ADAMTS16: variants seen among roughly 807,000 people sequenced by gnomAD.
ADAMTS16 encodes A disintegrin and metalloproteinase with thrombospondin motifs 16.
In ADAMTS16, 94 loss-of-function variants were observed where a neutral mutation model predicts 145.8. The ratio of observed to expected loss-of-function variants is 0.64; its 90% CI spans 0.55 to 0.77. The LOEUF is 0.77. ADAMTS16 is among the 30% of genes least tolerant of loss of function. The probability of loss-of-function intolerance (pLI) is 0.00; values close to 1 mark genes in which losing one functional copy is unlikely to be tolerated. For missense variants in ADAMTS16, 1,585 were observed against 1,591.5 expected (o/e 1.00, Z 0.07); for synonymous variants, 659 against 604.3 (o/e 1.09, Z -1.33).
chr5:5,257,523 C>T (rs1299343223), intron 17 of ADAMTS16, among the ~76,000 whole-genome samples: 4 of 152,126 alleles, frequency 2.6e-5, no homozygotes, highest in Non-Finnish European at 5.9e-5. Flanking sequence ...CAAACTGCAA[C>T]GTAATGCAAA....
At chr5:5,185,673 T>C (rs952402650) in intron 4 of ADAMTS16, among the ~76,000 whole-genome samples, 2 of 152,242 alleles carry the variant, frequency 1.3e-5, no homozygotes, top group East Asian at 3.9e-4. Flanking sequence ...GCTCGTGTTC[T>C]TGTAATTGTT....
chr5:5,243,449 C>T (rs538887157), intron 17 of ADAMTS16, among the ~76,000 whole-genome samples: 1 of 152,320 alleles, frequency 6.6e-6, no homozygotes, highest in Admixed American at 6.5e-5. Context: ...ATTGTATGCT[C>T]TTCTCTCTGT....
chr5:5,182,176 C>T lies in ADAMTS16; in HGVS notation c.634C>T (p.His212Tyr). Residue 212 changes from histidine to tyrosine, a missense_variant, in exon 4 of 23, where the codon CAT (histidine) becomes TAT (tyrosine). Around this residue, in one of 3 missense-constraint regions of ADAMTS16, gnomAD observed 453 missense variants for 412.1 expected, o/e 1.10. Coordinates refer to ENST00000274181, the MANE Select transcript of ADAMTS16 (RefSeq NM_139056.4). ...HVLYKRSTEP[H>Y]APGASEVLVT... is the part of the protein sequence containing the mutation. ...ACTGTACAAGAGATCCACAGAGCCC[C>T]ATGCTCCTGGGGCCAGTGAGGTCCT... 1 of 1,614,184 alleles carries T rather than the reference C, an allele frequency of 6.2e-7. No individual in the cohort carries two copies. Among genetic ancestry groups the T allele is most frequent in the Non-Finnish European group, 8.5e-7 (1 of 1,180,044 alleles).
At chr5:5,236,859 G>A in intron 13 of ADAMTS16, 110 bp from the exon 14 acceptor site, 1 of 1,346,760 alleles carries the variant, frequency 7.4e-7, no homozygotes, top group Non-Finnish European at 1.0e-6. Context: ...ATTATTGTGT[G>A]GGAGTTATTT....
chr5:5,255,808 T>G (rs1004395793), intron 17 of ADAMTS16, among the ~76,000 whole-genome samples: 3 of 152,266 alleles, frequency 2.0e-5, no homozygotes, highest in African/African-American at 7.2e-5. Flanking sequence ...ATATATTGAC[T>G]TTTGTTTCTA....
chr5:5,196,118 C>G (rs996110668), intron 8 of ADAMTS16, among the ~76,000 whole-genome samples: 1 of 151,126 alleles, frequency 6.6e-6, no homozygotes, highest in Non-Finnish European at 1.5e-5. Flanking sequence ...CCCAGCTACT[C>G]AGGAGGCTGA....
At chr5:5,189,515 A>G (rs562826934) in intron 6 of ADAMTS16, among the ~76,000 whole-genome samples, 17 of 152,374 alleles carry the variant, frequency 1.1e-4, no homozygotes, top group African/African-American at 3.4e-4. Context: ...AATAATAAGT[A>G]TTAAAAGACT....
intron 17 of ADAMTS16, among the ~76,000 whole-genome samples, chr5:5,247,134 C>T (rs1437837331): frequency 2.0e-5 from 3 of 152,224 alleles, no homozygotes; most frequent in African/African-American, 2.4e-5. Context: ...ATGAGATCTT[C>T]CCCATCCTCA....
intron 6 of ADAMTS16, among the ~76,000 whole-genome samples, chr5:5,189,129 A>G (rs1032310920): frequency 2.0e-5 from 3 of 152,222 alleles, no homozygotes; most frequent in Non-Finnish European, 4.4e-5. Context: ...AAAAATTTCA[A>G]TACGACATCC....
intron 3 of ADAMTS16, among the ~76,000 whole-genome samples, chr5:5,181,104 A>G (rs1735326489): frequency 6.6e-6 from 1 of 152,236 alleles, no homozygotes; most frequent in African/African-American, 2.4e-5. Flanking sequence ...CAAGGCTGCC[A>G]TACACATTCA....
intron 3 of ADAMTS16, among the ~76,000 whole-genome samples, chr5:5,170,852 G>GA (rs1056851685): frequency 2.0e-5 from 3 of 152,092 alleles, no homozygotes; most frequent in African/African-American, 7.2e-5. Flanking sequence ...CTGTGCAGAA[G>GA]CTTTTTAACT....
intron 18 of ADAMTS16, among the ~76,000 whole-genome samples, chr5:5,294,868 C>T (rs1739469301): frequency 6.6e-6 from 1 of 152,068 alleles, no homozygotes; most frequent in African/African-American, 2.4e-5. Context: ...GTCTGAATGC[C>T]CATTACCCAC....
intron 2 of ADAMTS16, among the ~76,000 whole-genome samples, chr5:5,144,626 T>C (rs1028258941): frequency 1.3e-5 from 2 of 152,236 alleles, no homozygotes; most frequent in Middle Eastern, 3.2e-3. Flanking sequence ...TGCAACTCAT[T>C]GCCAAAGCCG....
At chr5:5,267,300 T>C (rs1041806185) in intron 18 of ADAMTS16, among the ~76,000 whole-genome samples, 22 of 152,208 alleles carry the variant, frequency 1.4e-4, no homozygotes, top group African/African-American at 5.3e-4. Flanking sequence ...ATCAGCTCAA[T>C]TAGACCCTTT....
Position 5,146,432 on chromosome 5 carries a change from GC to G in ADAMTS16, c.481del (p.Leu161PhefsTer10). ...GCGATCACACAGAAACTCCTCAGTG[GC>G]CCTTTCAACCTGCCAAGGCTTGGTG... ...SLRSHRNSSV[A>X]LSTCQGLSGM... On this transcript the variant is annotated frameshift_variant, in exon 3 of 23. Coordinates refer to ENST00000274181, the MANE Select transcript of ADAMTS16 (RefSeq NM_139056.4). LOFTEE classifies it high-confidence loss of function. The G allele has an allele frequency of 6.2e-7, 1 of 1,609,928 alleles. No individual in the cohort carries two copies. Among genetic ancestry groups the G allele is most frequent in the Non-Finnish European group, 8.5e-7 (1 of 1,179,530 alleles).
intron 18 of ADAMTS16, among the ~76,000 whole-genome samples, chr5:5,278,795 TTTTG>T (rs1440283818): frequency 5.3e-5 from 8 of 152,336 alleles, no homozygotes; most frequent in Admixed American, 2.6e-4. Context: ...TTATTTCTCT[TTTTG>T]TTTATTTATA....
chr5:5,259,653 G>A (rs1398222000), intron 17 of ADAMTS16, among the ~76,000 whole-genome samples: 1 of 152,200 alleles, frequency 6.6e-6, no homozygotes, highest in Non-Finnish European at 1.5e-5. Context: ...AGCAGGCAGG[G>A]AATCATCAAT....
Position 5,250,736 on chromosome 5 carries a change from T to TGTGTGTGTGCGC in ADAMTS16, c.2662+8546_2662+8547insTGTGTGTGCGCG, listed in dbSNP as rs764397980. 2.5e-3 allele frequency among the ~76,000 whole-genome samples: 348 copies of TGTGTGTGTGCGC among 141,910 alleles called. 2 individuals carry two copies. Among genetic ancestry groups the TGTGTGTGTGCGC allele is most frequent in the East Asian group, 6.7e-3 (34 of 5,076 alleles). 93.1% of individuals were successfully genotyped at this position (141,910 alleles called of 152,430 possible). A position where few individuals can be genotyped will look rare whatever the true frequency, so the allele number is the denominator to read the frequency against. On this transcript the variant is annotated intron_variant, in intron 17 of 22. Coordinates refer to ENST00000274181, the MANE Select transcript of ADAMTS16 (RefSeq NM_139056.4). ...GTGTGTGTGTGTGTGTGTGTGTGTGTGCGCGCACTCCTGGAGAGGCACAGA... is the reference window on the plus strand; with the variant it reads ...GTGTGTGTGTGTGTGTGTGTGTGTGTGTGTGTGTGCGCGCGCGCACTCCTGGAGAGGCACAGA...
chr5:5,288,275 A>T (rs1415619701), intron 18 of ADAMTS16, among the ~76,000 whole-genome samples: 1 of 152,198 alleles, frequency 6.6e-6, no homozygotes, highest in East Asian at 1.9e-4. Flanking sequence ...GAATTAAACC[A>T]TCTCCCGTGG....
Sources: gnomAD v4.1 joint callset for allele counts (sites outside exome capture counted in the v4.1 genomes callset) on GRCh38, gnomAD v4.1.1 for gene constraint, gnomAD v4.1.1 regional missense constraint, MANE v1.5 for transcripts, NCBI Gene and HGNC (gene_info 2026-07-23, HGNC 2026-07-21) for gene names.